Variants in WDR25 observed in about 807,000 individuals in gnomAD.
WDR25 encodes WD repeat domain 25, also known as WD repeat-containing protein 25.
Under a neutral mutation model 47.7 loss-of-function variants are expected in WDR25, and 35 were observed. The ratio of observed to expected loss-of-function variants is 0.73; its 90% CI spans 0.56 to 0.97. WDR25 has a LOEUF of 0.97. Ranked by LOEUF, WDR25 falls within the 50% of genes least tolerant of loss-of-function variation. The pLI is 0.00. For synonymous variants in WDR25, 248 were observed against 278.9 expected, an observed-to-expected ratio of 0.89 and a Z score of 1.10; for missense variants, 634 against 704.7, an observed-to-expected ratio of 0.90 and a Z score of 1.14.
At chr14:100,436,718 C>G (rs1482982708) in intron 2 of WDR25, among the ~76,000 whole-genome samples, 2 of 152,254 alleles carry the variant, frequency 1.3e-5, no homozygotes, top group East Asian at 1.9e-4. Context: ...TTTTACTTTG[C>G]CATGTCATTG....
At position 100,522,306 on chromosome 14, in the gene WDR25, A is replaced by T. The variant is rs1322171331; in HGVS notation, c.1102-3564A>T. Among the ~76,000 whole-genome samples, 7 of 152,178 alleles carry T rather than the reference A, an allele frequency of 4.6e-5. No individual in the cohort carries two copies. The East Asian group carries it at 1.3e-3, about 29-fold the overall frequency. ...ACTTATTGCTTCTGGGTTTGGAGTC[A>T]TAGCTGGGAAAGTTTTCCCTAGTCC... On this transcript the variant is annotated intron_variant, in intron 4 of 6. Transcript: ENST00000402312.
chr14:100,399,663 T>C (rs1897333644), intron 2 of WDR25, among the ~76,000 whole-genome samples: 1 of 152,172 alleles, frequency 6.6e-6, no homozygotes, highest in Non-Finnish European at 1.5e-5. Flanking sequence ...CTTCTAACGA[T>C]GATGACGCAG....
chr14:100,402,725 A>G (rs1192993651), intron 2 of WDR25, among the ~76,000 whole-genome samples: 1 of 152,162 alleles, frequency 6.6e-6, no homozygotes, highest in Non-Finnish European at 1.5e-5. Flanking sequence ...GTGTCCCCCA[A>G]ACTCTTCCTG....
intron 2 of WDR25, among the ~76,000 whole-genome samples, chr14:100,405,203 C>G (rs569817311): frequency 1.4e-5 from 2 of 144,334 alleles, no homozygotes; most frequent in Admixed American, 1.3e-4. Flanking sequence ...CTCTTGTTAC[C>G]CAGGCTGGAG....
chr14:100,509,910 A>G (rs1444363740), intron 4 of WDR25, among the ~76,000 whole-genome samples: 1 of 152,126 alleles, frequency 6.6e-6, no homozygotes, highest in Admixed American at 6.5e-5. Flanking sequence ...AATTGGCTAA[A>G]TAGATTTAGG....
Position 100,468,291 on chromosome 14 carries a change from G to A in WDR25, c.970+123G>A. On this transcript the variant is annotated intron_variant, in intron 3 of 6. Transcript: ENST00000402312. The surrounding 1 kb of genome is among the most constrained non-coding windows in gnomAD (Gnocchi z 4.5). ...GTGGCAGAGGGAGAGGGGCCTCAGGGTGGGCTCGTGCTCGGTGAGAGGGCT... is the reference window on the plus strand; with the variant it reads ...GTGGCAGAGGGAGAGGGGCCTCAGGATGGGCTCGTGCTCGGTGAGAGGGCT... 2.1e-6 allele frequency: 3 copies of A among 1,416,074 alleles called. No homozygotes were observed. The highest frequency in any genetic ancestry group is 2.8e-6 in the Non-Finnish European group (3 of 1,058,104). The allele number at this position is 1,416,074 out of a possible 1,614,324, so 87.7% of individuals were successfully genotyped here. A position where few individuals can be genotyped will look rare whatever the true frequency, so the allele number is the denominator to read the frequency against.
At chr14:100,458,003 A>G (rs1171080462) in intron 2 of WDR25, among the ~76,000 whole-genome samples, 2 of 152,218 alleles carry the variant, frequency 1.3e-5, no homozygotes, top group Admixed American at 6.5e-5. Flanking sequence ...ATTAGGAAAG[A>G]GGGAACAAGG....
intron 5 of WDR25, among the ~76,000 whole-genome samples, 184 bp from the exon 6 acceptor site, chr14:100,528,884 G>A (rs137961091): frequency 6.6e-6 from 1 of 152,304 alleles, no homozygotes; most frequent in Non-Finnish European, 1.5e-5. Context: ...CTTCCGACTC[G>A]CAGGACTGTG....
chr14:100,453,404 T>G (rs1899102685), intron 2 of WDR25, among the ~76,000 whole-genome samples: 2 of 152,204 alleles, frequency 1.3e-5, no homozygotes, highest in African/African-American at 4.8e-5. Context: ...CAGACCTAAT[T>G]TTCTACTTCA....
intron 2 of WDR25, among the ~76,000 whole-genome samples, chr14:100,405,669 C>G (rs1897514563): frequency 6.6e-6 from 1 of 152,256 alleles, no homozygotes; most frequent in African/African-American, 2.4e-5. Context: ...AGAAGCAGAG[C>G]TGGCCATCGG....
intron 2 of WDR25, among the ~76,000 whole-genome samples, chr14:100,461,938 T>G (rs1899428533): frequency 6.6e-6 from 1 of 151,924 alleles, no homozygotes; most frequent in African/African-American, 2.4e-5. Context: ...TTTTTTTTTT[T>G]GGGCAGAGCA....
chr14:100,448,193 CAAAAAA>C (rs111428141), intron 2 of WDR25, among the ~76,000 whole-genome samples: 5 of 110,276 alleles, frequency 4.5e-5, no homozygotes, highest in South Asian at 3.1e-4. Flanking sequence ...AACTCCGTCT[CAAAAAA>C]AAAAAAAAAA....
chr14:100,450,509 C>A (rs976994511), intron 2 of WDR25, among the ~76,000 whole-genome samples: 1 of 152,222 alleles, frequency 6.6e-6, no homozygotes, highest in South Asian at 2.1e-4. Flanking sequence ...CAGCAGTGAG[C>A]AAATTTCTTG....
At chr14:100,405,884 A>T (rs1897522619) in intron 2 of WDR25, among the ~76,000 whole-genome samples, 1 of 152,146 alleles carries the variant, frequency 6.6e-6, no homozygotes, top group Admixed American at 6.5e-5. Flanking sequence ...CCATTTGGAG[A>T]CAGGGCCAGG....
chr14:100,417,332 C>T (rs2140204344), intron 2 of WDR25, among the ~76,000 whole-genome samples: 1 of 152,374 alleles, frequency 6.6e-6, no homozygotes, highest in South Asian at 2.1e-4. Flanking sequence ...ACATGCTTTG[C>T]AGACTTCTCA....
intron 3 of WDR25, among the ~76,000 whole-genome samples, chr14:100,475,177 G>A (rs1899976424): frequency 6.6e-6 from 1 of 152,204 alleles, no homozygotes; most frequent in Non-Finnish European, 1.5e-5. Flanking sequence ...GGGAATCCTT[G>A]TACAATGTAA....
At chr14:100,509,428 A>G (rs758645746) in intron 4 of WDR25, among the ~76,000 whole-genome samples, 17 of 152,182 alleles carry the variant, frequency 1.1e-4, no homozygotes, top group South Asian at 2.1e-4. Flanking sequence ...CTGAGTGCCA[A>G]TCTGGTATCA....
In WDR25 at chr14:100,461,927, G is replaced by GT. The variant is rs796146098; in HGVS notation, c.823-6083dup. Among the ~76,000 whole-genome samples, 477 of 143,726 alleles carry GT rather than the reference G, an allele frequency of 3.3e-3. 1 individual carries two copies. The highest frequency in any genetic ancestry group is 4.7e-3 in the Non-Finnish European group (305 of 65,286). The allele number at this position is 143,726 out of a possible 152,430, so 94.3% of individuals were successfully genotyped here. A position where few individuals can be genotyped will look rare whatever the true frequency, so the allele number is the denominator to read the frequency against. The stretch of plus-strand genomic sequence containing the variant: ...CTGTTTTTTTTTGTTTGTTTTGTTT[G>GT]TTTTTTTTTTTGGGCAGAGCACACA... On this transcript the variant is annotated intron_variant, in intron 2 of 6. Transcript: ENST00000402312.
chr14:100,494,336 T>C (rs1014870742), intron 4 of WDR25, among the ~76,000 whole-genome samples: 2 of 152,260 alleles, frequency 1.3e-5, no homozygotes, highest in East Asian at 3.8e-4. Context: ...TTTTGCGTAT[T>C]GTCTACTTTT....
Sources: gnomAD v4.1 joint callset for allele counts (sites outside exome capture counted in the v4.1 genomes callset) on GRCh38, gnomAD v4.1.1 for gene constraint, Gnocchi (gnomAD v3.1) non-coding constraint, MANE v1.5 for transcripts, NCBI Gene and HGNC (gene_info 2026-07-23, HGNC 2026-07-21) for gene names.